The following TNS1 variants were observed in gnomAD, a reference collection of about 807,000 sequenced individuals.
The protein encoded by TNS1 is tensin 1.
A neutral mutation model predicts 168.6 loss-of-function variants in TNS1; 62 were observed. The observed-to-expected ratio is 0.37, with a 90% CI of 0.30 to 0.45. The LOEUF is 0.45. Among genes scored for constraint, TNS1 ranks in the 20% least tolerant of loss-of-function variants. The probability of loss-of-function intolerance (pLI) is 1.00; values close to 1 mark genes in which losing one functional copy is unlikely to be tolerated. For synonymous variants in TNS1, 934 were observed against 933.2 expected (o/e 1.00, Z -0.02); for missense variants, 2,240 against 2,339.4 (o/e 0.96, Z 0.88).
At chr2:217,911,671 T>C (rs1391527480) in intron 4 of TNS1, among the ~76,000 whole-genome samples, 2 of 152,166 alleles carry the variant, frequency 1.3e-5, no homozygotes, top group Admixed American at 6.5e-5. Context: ...TTTAGGAAAC[T>C]GAGGGCCTGG....
At position 218,002,813 on chromosome 2, in the gene TNS1, C is replaced by T. The variant is rs757587465; in HGVS notation, c.33+27G>A. ...GGGCGGGGGGTTTGAGGAAGAGTAA[C>T]GTCGCAGCTAAAGCAGCCAGACCTA... On this transcript the variant is annotated intron_variant, in intron 1 of 32. Coordinates refer to ENST00000682258, the MANE Select transcript of TNS1 (RefSeq NM_001387777.1). 11 of 456,496 alleles carry T rather than the reference C, an allele frequency of 2.4e-5. No individual in the cohort carries two copies. In the East Asian group the frequency reaches 3.5e-4, roughly 14 times the overall value. The allele number at this position is 456,496 out of a possible 1,614,324, so 28.3% of individuals were successfully genotyped here. A position where few individuals can be genotyped will look rare whatever the true frequency, so the allele number is the denominator to read the frequency against.
chr2:217,893,310 T>C (rs1951921993), intron 10 of TNS1, 129 bp downstream of exon 10: 1 of 1,422,822 alleles, frequency 7.0e-7, no homozygotes, highest in Admixed American at 2.8e-5. Context: ...CACAGACTTA[T>C]ATGCTCGCAA....
At chr2:217,806,415 G>A (rs982184429) in intron 32 of TNS1, among the ~76,000 whole-genome samples, 1 of 152,116 alleles carries the variant, frequency 6.6e-6, no homozygotes, top group African/African-American at 2.4e-5. Context: ...GCCTCTCCCT[G>A]TGGCCTCTGC....
chr2:217,882,855 G>T (rs772845194), intron 16 of TNS1, among the ~76,000 whole-genome samples: 19 of 152,152 alleles, frequency 1.2e-4, no homozygotes, highest in Admixed American at 4.6e-4. Context: ...GAGTACAGTG[G>T]TGCGATCACA....
chr2:217,894,883 T>C, intron 9 of TNS1, 123 bp downstream of exon 9: 2 of 940,132 alleles, frequency 2.1e-6, no homozygotes, highest in South Asian at 1.5e-5. Flanking sequence ...ATTTTCCAGA[T>C]ATAAGTCGGC....
rs1156954085 is a variant in TNS1, at chr2:217,960,556, C to A, written c.186+18209G>T. On this transcript the variant is annotated intron_variant, in intron 3 of 32. Coordinates refer to ENST00000682258, the MANE Select transcript of TNS1 (RefSeq NM_001387777.1). ...CCATGCTGTTTTCCACAGGTCCATG[C>A]CAGGCAGGCTGGGACTCTAGCACTC... Among the ~76,000 whole-genome samples, 4 of 152,248 alleles carry A rather than the reference C, an allele frequency of 2.6e-5. No individual in the cohort carries two copies. In the East Asian group the frequency reaches 7.7e-4, roughly 29 times the overall value.
At chr2:217,949,563 CAA>C (rs1386862344) in intron 3 of TNS1, among the ~76,000 whole-genome samples, 2 of 152,158 alleles carry the variant, frequency 1.3e-5, no homozygotes, top group Admixed American at 6.5e-5. Flanking sequence ...TTCCTGGAGA[CAA>C]GAGAGAAAGC....
chr2:217,850,610 CA>C (rs1947344244), intron 18 of TNS1: 1 of 973,244 alleles, frequency 1.0e-6, no homozygotes, highest in Non-Finnish European at 1.2e-6. Context: ...CACACACACA[CA>C]CACACACACA....
At chr2:217,941,840 C>T (rs1451245027) in intron 3 of TNS1, among the ~76,000 whole-genome samples, 2 of 152,212 alleles carry the variant, frequency 1.3e-5, no homozygotes, top group South Asian at 2.1e-4. Flanking sequence ...AAGATTCCAC[C>T]TCTGAGGCTC....
chr2:217,981,513 A>T (rs557705293), intron 2 of TNS1, among the ~76,000 whole-genome samples: 1 of 152,364 alleles, frequency 6.6e-6, no homozygotes, highest in South Asian at 2.1e-4. Flanking sequence ...GAATGCAGAA[A>T]GCTTGTCCTT....
At chr2:217,990,897 C>T (rs894192014) in intron 2 of TNS1, 45 bp downstream of exon 2, 9 of 564,228 alleles carry the variant, frequency 1.6e-5, no homozygotes, top group Non-Finnish European at 2.6e-5. Flanking sequence ...CATCTCATTC[C>T]CCTGATGGGT....
intron 19 of TNS1, among the ~76,000 whole-genome samples, chr2:217,839,192 C>T (rs1341268529): frequency 2.0e-5 from 3 of 152,134 alleles, no homozygotes; most frequent in East Asian, 1.9e-4. Flanking sequence ...AGCAGGAGGC[C>T]GTGTGGCCAG....
intron 18 of TNS1, among the ~76,000 whole-genome samples, chr2:217,863,835 G>T (rs753374948): frequency 1.3e-5 from 2 of 152,112 alleles, no homozygotes; most frequent in Non-Finnish European, 2.9e-5. Context: ...AAACGTCTGG[G>T]GATAGAGGGA....
In TNS1 at chr2:217,944,634, C is replaced by T. The variant is rs75590739; in HGVS notation, c.187-24398G>A. The stretch of plus-strand genomic sequence containing the variant: ...GAGATAGTAATCTCTGCTGTTTTCT[C>T]TGGGCTGAGTTAGGACATTTGTGAC... On this transcript the variant is annotated intron_variant, in intron 3 of 32. Coordinates refer to ENST00000682258, the MANE Select transcript of TNS1 (RefSeq NM_001387777.1). Among the ~76,000 whole-genome samples, 82 of 152,314 alleles carry T rather than the reference C, an allele frequency of 5.4e-4. 1 individual carries two copies. The highest frequency in any genetic ancestry group is 1.9e-3 in the African/African-American group (79 of 41,572).
chr2:217,821,685 T>C, intron 23 of TNS1, 55 bp downstream of exon 23: 2 of 1,400,416 alleles, frequency 1.4e-6, no homozygotes, highest in Non-Finnish European at 1.9e-6. Flanking sequence ...ACCCATCCCG[T>C]CCCAGTCCCA....
intron 11 of TNS1, 89 bp downstream of exon 11, chr2:217,892,859 T>C (rs1951875950): frequency 1.1e-5 from 16 of 1,447,270 alleles, no homozygotes; most frequent in Non-Finnish European, 1.4e-5. Flanking sequence ...ATCCCCTCAC[T>C]CCAGGGAGCA....
In TNS1 at chr2:217,934,328, G is replaced by A. The variant is rs184675994; in HGVS notation, c.187-14092C>T. 3.5e-4 allele frequency among the ~76,000 whole-genome samples: 54 copies of A among 152,274 alleles called. No homozygotes were observed. In the East Asian group the frequency reaches 7.9e-3, roughly 22 times the overall value. ...GATGAGGTGTGGCACCCTGCTGGCC[G>A]GGACCCCCAGCTCCTAAGGAGGACA... On this transcript the variant is annotated intron_variant, in intron 3 of 32. Transcript: ENST00000682258.
At position 218,033,882 on chromosome 2, in the gene TNS1, G is replaced by GCGC. The variant is rs1958925261; in HGVS notation, c.91_93dup (p.Ala31dup). On this transcript the variant is annotated inframe_insertion, in exon 1 of 2. Transcript: ENST00000649572. This position sits in a 1 kb window ranked among gnomAD's most constrained non-coding sequence, Gnocchi z 4.3. ...CCCCCGGACTCCCAGCACTCAGCCC[G>GCGC]CGCCGAGACCCAGGGACTCCCCGGG... 1.3e-5 allele frequency among the ~76,000 whole-genome samples: 2 copies of GCGC among 152,160 alleles called. No homozygotes were observed. Among genetic ancestry groups the GCGC allele is most frequent in the Non-Finnish European group, 2.9e-5 (2 of 68,014 alleles).
chr2:217,893,667 G>C (rs1951985684), intron 9 of TNS1, 106 bp from the exon 10 acceptor site: 1 of 1,458,710 alleles, frequency 6.9e-7, no homozygotes, highest in African/African-American at 1.4e-5. Context: ...GTGGCCCGCA[G>C]CTGCTGGTTC....
Sources: allele counts gnomAD v4.1 joint callset (sites outside exome capture counted in the v4.1 genomes callset), GRCh38; gene constraint gnomAD v4.1.1; non-coding constraint Gnocchi (gnomAD v3.1); transcripts MANE v1.5; gene names NCBI Gene and HGNC (gene_info 2026-07-23, HGNC 2026-07-21).